Variants in ATRNL1 observed in about 807,000 individuals in gnomAD.
ATRNL1 encodes the protein attractin like 1, also known as attractin-like protein 1.
A neutral mutation model predicts 182.7 loss-of-function variants in ATRNL1; 95 were observed. The observed-to-expected ratio is 0.52, with a 90% confidence interval of 0.44 to 0.62. The LOEUF is 0.62. Ranked by LOEUF, ATRNL1 falls within the 20% of genes least tolerant of loss-of-function variation. ATRNL1 has a pLI of 0.00. For synonymous variants in ATRNL1, 576 were observed against 568.3 expected, an observed-to-expected ratio of 1.01 and a Z score of -0.19; for missense variants, 1,471 against 1,679.5, an observed-to-expected ratio of 0.88 and a Z score of 2.17.
intron 15 of ATRNL1, among the ~76,000 whole-genome samples, chr10:115,289,954 C>T (rs144289120): frequency 6.6e-6 from 1 of 152,034 alleles, no homozygotes; most frequent in Non-Finnish European, 1.5e-5. Flanking sequence ...TGCATTGAGT[C>T]TGTAGATTGC....
rs188438308 is a variant in ATRNL1 at position 115,096,668 on chromosome 10, G to A, written c.293+2625G>A. ...AGGGATTTCGCCAGGGAATAAAAAT[G>A]TTCTTCAAATGTTTCTTGAGGATAG... On this transcript the variant is annotated intron_variant, in intron 1 of 28. Transcript: ENST00000355044. 1.6e-4 allele frequency: 206 copies of A among 1,288,970 alleles called. No individual in the cohort carries two copies. In the African/African-American group the frequency reaches 2.7e-3, roughly 17 times the overall value. The allele number at this position is 1,288,970 out of a possible 1,614,324, so 79.8% of individuals were successfully genotyped here.
chr10:115,457,276 G>A (rs1847572328), intron 21 of ATRNL1, among the ~76,000 whole-genome samples: 1 of 152,010 alleles, frequency 6.6e-6, no homozygotes. Flanking sequence ...GGGCAGGCTG[G>A]TACTTGCTAA....
intron 24 of ATRNL1, among the ~76,000 whole-genome samples, chr10:115,500,920 CTTTT>C (rs71010023): frequency 1.8e-5 from 1 of 54,434 alleles, no homozygotes; most frequent in Non-Finnish European, 3.2e-5. Context: ...TCAGGTAAGA[CTTTT>C]TTTTTTTTTT....
intron 21 of ATRNL1, among the ~76,000 whole-genome samples, chr10:115,438,356 G>C (rs1299338362): frequency 6.6e-6 from 1 of 151,744 alleles, no homozygotes; most frequent in Non-Finnish European, 1.5e-5. Flanking sequence ...TGCAGATTTT[G>C]TTGCAAGAGT....
chr10:115,792,809 C>T (rs1416572285), intron 27 of ATRNL1, among the ~76,000 whole-genome samples: 4 of 151,642 alleles, frequency 2.6e-5, no homozygotes, highest in African/African-American at 4.8e-5. Context: ...CTGCTCAATA[C>T]GGTTAAGTTC....
intron 28 of ATRNL1, among the ~76,000 whole-genome samples, chr10:115,863,031 G>A (rs951597773): frequency 2.6e-5 from 4 of 152,146 alleles, no homozygotes; most frequent in Non-Finnish European, 5.9e-5. Flanking sequence ...TGCAAAAGAT[G>A]TAAAGAAAGA....
intron 17 of ATRNL1, among the ~76,000 whole-genome samples, chr10:115,304,322 T>C (rs1853623009): frequency 6.6e-6 from 1 of 152,218 alleles, no homozygotes; most frequent in Non-Finnish European, 1.5e-5. Flanking sequence ...CTTCCTTCCC[T>C]CCTTTGAGCT....
intron 25 of ATRNL1, among the ~76,000 whole-genome samples, chr10:115,526,343 T>A (rs1851214897): frequency 6.6e-6 from 1 of 152,186 alleles, no homozygotes; most frequent in Admixed American, 6.5e-5. Flanking sequence ...TTTAAAGCTA[T>A]GAAAGAGACC....
rs537313465 is a variant in ATRNL1, at chr10:115,245,414, G to A, written c.1687+3689G>A. Among the ~76,000 whole-genome samples, 5 of 147,848 alleles carry A rather than the reference G, an allele frequency of 3.4e-5. No individual in the cohort carries two copies. The South Asian group carries it at 6.4e-4, about 19-fold the overall frequency. Reference sequence around the variant, plus strand: ...CTCAGGAGGCTGAGGCAGGAGAATCGCTTGTACCCTGGAGGTGGAGGTTTC... The same window carrying A: ...CTCAGGAGGCTGAGGCAGGAGAATCACTTGTACCCTGGAGGTGGAGGTTTC... On this transcript the variant is annotated intron_variant, in intron 10 of 28. Transcript: ENST00000355044.
At chr10:115,783,857 A>C (rs562273936) in intron 27 of ATRNL1, among the ~76,000 whole-genome samples, 1 of 152,264 alleles carries the variant, frequency 6.6e-6, no homozygotes, top group East Asian at 1.9e-4. Flanking sequence ...TACTAAAAGT[A>C]CAAAAATTAG....
intron 28 of ATRNL1, among the ~76,000 whole-genome samples, chr10:115,877,443 C>T (rs541392820): frequency 6.6e-6 from 1 of 152,296 alleles, no homozygotes; most frequent in South Asian, 2.1e-4. Flanking sequence ...TTACTAAAAC[C>T]TCTCCTTAGC....
intron 26 of ATRNL1, among the ~76,000 whole-genome samples, chr10:115,650,043 C>A (rs1312811494): frequency 6.6e-6 from 1 of 152,094 alleles, no homozygotes; most frequent in East Asian, 1.9e-4. Context: ...TTTCTCATTT[C>A]TGTGCTTATG....
intron 19 of ATRNL1, among the ~76,000 whole-genome samples, chr10:115,344,650 T>C (rs1289037080): frequency 6.6e-6 from 1 of 152,186 alleles, no homozygotes; most frequent in Non-Finnish European, 1.5e-5. Context: ...GTTCCTAAGG[T>C]ACAAGGCAAA....
intron 24 of ATRNL1, among the ~76,000 whole-genome samples, chr10:115,482,819 T>C (rs1362939891): frequency 6.6e-6 from 1 of 151,232 alleles, no homozygotes; most frequent in Non-Finnish European, 1.5e-5. Context: ...GTAACTAAAA[T>C]TTAGGCATAA....
rs891445646 is a variant in ATRNL1, at chr10:115,897,031, G to C, written c.4019-47627G>C. 3.9e-5 allele frequency among the ~76,000 whole-genome samples: 6 copies of C among 152,088 alleles called. No individual in the cohort carries two copies. The East Asian group carries it at 1.2e-3, about 29-fold the overall frequency. ...ACTAGCAAATTATTTATATCACTTA[G>C]AATAAGTATCCCTAACATAAAGAGT... On this transcript the variant is annotated intron_variant, in intron 28 of 28. Coordinates refer to ENST00000355044, the MANE Select transcript of ATRNL1 (RefSeq NM_207303.4).
rs1028220159 is a variant in ATRNL1, at chr10:115,308,821, T to C, written c.2819-6697T>C. On this transcript the variant is annotated intron_variant, in intron 17 of 28. Coordinates refer to ENST00000355044, the MANE Select transcript of ATRNL1 (RefSeq NM_207303.4). Reference sequence around the variant, plus strand: ...GCATTTGATTTTGGGGTCTTAGTCATAAATTGCTTATGCCAATGTCCAGAA... The same window carrying C: ...GCATTTGATTTTGGGGTCTTAGTCACAAATTGCTTATGCCAATGTCCAGAA... Among the ~76,000 whole-genome samples the C allele has an allele frequency of 6.4e-4, 98 of 152,258 alleles. 1 individual carries two copies. Among genetic ancestry groups the C allele is most frequent in the African/African-American group, 2.3e-3 (97 of 41,576 alleles).
chr10:115,570,867 G>A (rs1854346964), intron 26 of ATRNL1, among the ~76,000 whole-genome samples: 1 of 152,154 alleles, frequency 6.6e-6, no homozygotes, highest in Non-Finnish European at 1.5e-5. Context: ...GACCTCAACT[G>A]AGCCCTCAGT....
intron 24 of ATRNL1, among the ~76,000 whole-genome samples, chr10:115,489,393 A>G (rs1402312772): frequency 2.0e-5 from 3 of 152,118 alleles, no homozygotes; most frequent in Non-Finnish European, 2.9e-5. Context: ...GACTTGCTTT[A>G]TGAATCTGGG....
intron 27 of ATRNL1, among the ~76,000 whole-genome samples, chr10:115,772,242 T>C (rs1195639249): frequency 6.6e-6 from 1 of 152,336 alleles, no homozygotes; most frequent in East Asian, 1.9e-4. Context: ...ATATTCACAA[T>C]GGCATTTCAC....
Sources: allele counts gnomAD v4.1 joint callset (sites outside exome capture counted in the v4.1 genomes callset), GRCh38; gene constraint gnomAD v4.1.1; transcripts MANE v1.5; gene names NCBI Gene and HGNC (gene_info 2026-07-23, HGNC 2026-07-21).